Variants in C4orf51 observed in about 807,000 individuals in gnomAD.
C4orf51 encodes the protein uncharacterized protein C4orf51.
C4orf51 carries 25 observed loss-of-function variants against 25.2 expected under a neutral mutation model. The ratio of observed to expected loss-of-function variants is 0.99; its 90% CI spans 0.72 to 1.39. The LOEUF is 1.39. C4orf51 is among the 40% of genes most tolerant of loss of function. C4orf51 has a pLI of 0.00. For synonymous variants in C4orf51, 100 were observed against 84.5 expected (o/e 1.18, Z -1.01); for missense variants, 252 against 239.6 (o/e 1.05, Z -0.34).
At chr4:145,760,763 C>T in intron 1 of C4orf51, 3 of 813,366 alleles carry the variant, frequency 3.7e-6, no homozygotes, top group Non-Finnish European at 4.5e-6. Context: ...GTTTTTGGTA[C>T]AGAACATGGC....
At chr4:145,728,100 A>G (rs992312872) in intron 3 of C4orf51, among the ~76,000 whole-genome samples, 3 of 147,008 alleles carry the variant, frequency 2.0e-5, no homozygotes, top group African/African-American at 7.5e-5. Context: ...AGGTTTTCTA[A>G]TTTATAACTA....
chr4:145,785,135 G>A, the C4orf51 span, among the ~76,000 whole-genome samples: 6 of 152,280 alleles, frequency 3.9e-5, no homozygotes, highest in African/African-American at 1.4e-4. Context: ...GGCTAGAAAA[G>A]TAGGAACACA....
Position 145,752,021 on chromosome 4 carries a change from G to A in C4orf51, n.168-2186G>A, listed in dbSNP as rs564536658. On this transcript the variant is annotated intron_variant and non_coding_transcript_variant, in intron 1 of 1. Transcript: ENST00000508981. The stretch of plus-strand genomic sequence containing the variant: ...AGTCAGCTTGTGGTGAATGCTGCCT[G>A]GCCTGGGACTCACCTGTCAGGGCAG... Among the ~76,000 whole-genome samples, 131 of 152,260 alleles carry A rather than the reference G, an allele frequency of 8.6e-4. 1 individual carries two copies. The highest frequency in any genetic ancestry group is 7.8e-4 in the Non-Finnish European group (53 of 68,014).
chr4:145,700,737 C>T (rs896999318), intron 2 of C4orf51, among the ~76,000 whole-genome samples: 4 of 152,124 alleles, frequency 2.6e-5, no homozygotes, highest in Non-Finnish European at 5.9e-5. Flanking sequence ...CCCCAAGCGT[C>T]GCTGAGTCTT....
At chr4:145,747,688 CCCTT>C (rs376184100) in intron 1 of C4orf51, among the ~76,000 whole-genome samples, 156 of 133,010 alleles carry the variant, frequency 1.2e-3, no homozygotes, top group Middle Eastern at 7.6e-3. Flanking sequence ...CTCCCTCCCT[CCCTT>C]CCTTCCTTCC....
rs1483104786 is a variant in C4orf51, at chr4:145,763,544, C to T, written n.167-7444C>T. 6.6e-6 allele frequency among the ~76,000 whole-genome samples: 1 copy of T among 152,198 alleles called. No homozygotes were observed. The highest frequency in any genetic ancestry group is 1.5e-5 in the Non-Finnish European group (1 of 68,042). On this transcript the variant is annotated intron_variant and non_coding_transcript_variant, in intron 1 of 1. Transcript: ENST00000510096. The surrounding 1 kb of genome is among the most constrained non-coding windows in gnomAD (Gnocchi z 4.6). Reference sequence around the variant, plus strand: ...AAAGCATCAGAATTCACTGTGCATTCTCCCCAATGGCTTCAGAGGCTGGGG... The same window carrying T: ...AAAGCATCAGAATTCACTGTGCATTTTCCCCAATGGCTTCAGAGGCTGGGG...
chr4:145,743,994 A>G (rs991086525), intron 1 of C4orf51, among the ~76,000 whole-genome samples: 5 of 152,126 alleles, frequency 3.3e-5, no homozygotes, highest in African/African-American at 1.2e-4. Flanking sequence ...ATTTATGTGT[A>G]TTTTTCCTTG....
intron 2 of C4orf51, among the ~76,000 whole-genome samples, chr4:145,718,069 C>G (rs1731514418): frequency 6.6e-6 from 1 of 152,232 alleles, no homozygotes; most frequent in South Asian, 2.1e-4. Flanking sequence ...CACTGGCTTT[C>G]CCTTTCCTTT....
chr4:145,790,369 T>C, the C4orf51 span, among the ~76,000 whole-genome samples: 1 of 152,144 alleles, frequency 6.6e-6, no homozygotes, highest in African/African-American at 2.4e-5. Flanking sequence ...ATCACTATAA[T>C]TAAAAATTTA....
At position 145,765,579 on chromosome 4, in the gene C4orf51, G is replaced by A; in HGVS notation, n.167-5409G>A. The A allele has an allele frequency of 6.2e-7, 1 of 1,613,874 alleles. No individual in the cohort carries two copies. On this transcript the variant is annotated intron_variant and non_coding_transcript_variant, in intron 1 of 1. Transcript: ENST00000510096. The surrounding 1 kb of genome is among the most constrained non-coding windows in gnomAD (Gnocchi z 4.7). ...TGGCTTTTCCTCACTGTTCAGTGAG[G>A]GCTGGCTCCCAGGCATGACAGAGAT... is the stretch of plus-strand genomic sequence containing the variant.
chr4:145,681,480 A>G (rs1728835127), intron 1 of C4orf51, among the ~76,000 whole-genome samples: 1 of 152,222 alleles, frequency 6.6e-6, no homozygotes, highest in Admixed American at 6.5e-5. Context: ...AAGTATATTG[A>G]CACTTAATTA....
At chr4:145,746,639 C>T (rs1366712515) in intron 1 of C4orf51, among the ~76,000 whole-genome samples, 1 of 152,014 alleles carries the variant, frequency 6.6e-6, no homozygotes, top group Non-Finnish European at 1.5e-5. Flanking sequence ...TTTGAAGTCA[C>T]ATAATGTAAT....
At chr4:145,728,138 A>G (rs1732215824) in intron 3 of C4orf51, among the ~76,000 whole-genome samples, 1 of 149,968 alleles carries the variant, frequency 6.7e-6, no homozygotes, top group Non-Finnish European at 1.5e-5. Flanking sequence ...ATCAATTTGA[A>G]TATACGTTTT....
At chr4:145,726,865 C>T in intron 2 of C4orf51, 46 bp from the exon 3 acceptor site, 1 of 1,491,928 alleles carries the variant, frequency 6.7e-7, no homozygotes, top group Non-Finnish European at 9.3e-7. Context: ...GAATTTTATT[C>T]TAACTCTGCA....
chr4:145,753,600 A>T (rs1733797252), intron 1 of C4orf51, among the ~76,000 whole-genome samples: 1 of 152,170 alleles, frequency 6.6e-6, no homozygotes, highest in Admixed American at 6.5e-5. Flanking sequence ...ATGCACAGAG[A>T]AGATGTCAGA....
In C4orf51 at chr4:145,732,576, CACAA is replaced by C. The variant is rs775188905; in HGVS notation, c.*17_*20del. On this transcript the variant is annotated 3_prime_UTR_variant, in exon 6 of 6. Transcript: ENST00000438731. ...ATTTAACTGAGTTGGAAAATGAAGC[CACAA>C]GGCTGGAGGCGTGGAGTTTGCTTAA... 5.1e-6 allele frequency: 8 copies of C among 1,577,216 alleles called. No homozygotes were observed. Among genetic ancestry groups the C allele is most frequent in the Non-Finnish European group, 6.9e-6 (8 of 1,151,634 alleles).
intron 2 of C4orf51, among the ~76,000 whole-genome samples, chr4:145,709,261 T>C (rs1169809883): frequency 2.0e-5 from 3 of 152,004 alleles, no homozygotes; most frequent in Non-Finnish European, 4.4e-5. Context: ...GGCCACAGAG[T>C]GAGGCCCTAT....
At chr4:145,757,390 C>T (rs1295848743), downstream of C4orf51, among the ~76,000 whole-genome samples, 1 of 152,150 alleles carries the variant, frequency 6.6e-6, no homozygotes, top group Non-Finnish European at 1.5e-5. Context: ...TGCCACTGTC[C>T]TGAATGATGG....
rs1443355934 is a variant in C4orf51 at position 145,761,069 on chromosome 4, A to C, written n.167-9919A>C. ...ACGGTCTGCAGAGCCTGGGAGGCAG[A>C]CATAACTGACAGGGGAGACAGGAGA... On this transcript the variant is annotated intron_variant and non_coding_transcript_variant, in intron 1 of 1. Transcript: ENST00000510096. The surrounding 1 kb of genome is among the most constrained non-coding windows in gnomAD (Gnocchi z 6.8). 5.4e-6 allele frequency: 7 copies of C among 1,289,322 alleles called. No homozygotes were observed. In the East Asian group the frequency reaches 3.3e-4, roughly 61 times the overall value. The allele number at this position is 1,289,322 out of a possible 1,614,324, so 79.9% of individuals were successfully genotyped here. A position where few individuals can be genotyped will look rare whatever the true frequency, so the allele number is the denominator to read the frequency against.
Sources: gnomAD v4.1 joint callset for allele counts (sites outside exome capture counted in the v4.1 genomes callset) on GRCh38, gnomAD v4.1.1 for gene constraint, Gnocchi (gnomAD v3.1) non-coding constraint, MANE v1.5 for transcripts, NCBI Gene and HGNC (gene_info 2026-07-23, HGNC 2026-07-21) for gene names.